PRPF31: variants seen among roughly 807,000 people sequenced by gnomAD.
PRPF31 encodes the protein pre-mRNA processing factor 31.
PRPF31 carries 12 observed loss-of-function variants against 60.4 expected under a neutral mutation model. The observed-to-expected ratio is 0.20, with a 90% CI of 0.13 to 0.32. PRPF31 has a LOEUF of 0.32. Among genes scored for constraint, PRPF31 ranks in the 10% least tolerant of loss-of-function variants. The pLI is 1.00. For synonymous variants in PRPF31, 287 were observed against 287.9 expected, an observed-to-expected ratio of 1.00 and a Z score of 0.03; for missense variants, 431 against 687.1, an observed-to-expected ratio of 0.63 and a Z score of 4.17.
At chr19:54,130,574 G>A (rs57999922) in intron 13 of PRPF31, among the ~76,000 whole-genome samples, 24,983 of 150,968 alleles carry the variant, frequency 0.17, 2,271 homozygotes, top group Admixed American at 0.27. Flanking sequence ...GCAGTGAGCC[G>A]AGATCGCGCC....
intron 5 of PRPF31, 33 bp from the exon 6 acceptor site, chr19:54,123,421 C>T (rs587645965): frequency 1.7e-5 from 27 of 1,562,160 alleles, no homozygotes; most frequent in African/African-American, 9.5e-5. Context: ...CCTGAGTTCC[C>T]GAGCCTCCCC....
rs1201071053 is a variant in PRPF31 at position 54,128,063 on chromosome 19, C to T, written c.946-10C>T. On this transcript the variant is annotated splice_polypyrimidine_tract_variant and intron_variant, in intron 9 of 13. Coordinates refer to ENST00000321030, the MANE Select transcript of PRPF31 (RefSeq NM_015629.4). ...GAGCAGCTGCAGGACCTCCCCCTCG[C>T]CCTCCCCAGGTGGGCTACGAACTGA... 1.3e-6 allele frequency: 2 copies of T among 1,548,382 alleles called. No individual in the cohort carries two copies. Among genetic ancestry groups the T allele is most frequent in the Non-Finnish European group, 1.7e-6 (2 of 1,146,800 alleles).
At chr19:54,124,447 C>T (rs1203063017) in intron 7 of PRPF31, 52 bp from the exon 8 acceptor site, 14 of 1,481,198 alleles carry the variant, frequency 9.5e-6, no homozygotes, top group Non-Finnish European at 1.3e-5. Flanking sequence ...CTCACCCCCA[C>T]CTCTCTGCTT....
chr19:54,126,298 T>C (rs587767551), intron 8 of PRPF31, among the ~76,000 whole-genome samples: 1 of 152,298 alleles, frequency 6.6e-6, no homozygotes, highest in East Asian at 1.9e-4. Context: ...TGCCTTACTG[T>C]CATCCTTACC....
At chr19:54,129,857 G>A (rs968133632) in intron 13 of PRPF31, among the ~76,000 whole-genome samples, 4 of 151,804 alleles carry the variant, frequency 2.6e-5, no homozygotes, top group African/African-American at 9.7e-5. Flanking sequence ...AGAGCAGGGC[G>A]AGCCTGCACC....
At chr19:54,120,880 C>T (rs1424500407) in intron 3 of PRPF31, among the ~76,000 whole-genome samples, 1 of 152,166 alleles carries the variant, frequency 6.6e-6, no homozygotes, top group Non-Finnish European at 1.5e-5. Context: ...TCCCAAAGTG[C>T]TGGGATTACA....
At chr19:54,117,241 G>A (rs1287264617) in intron 1 of PRPF31, among the ~76,000 whole-genome samples, 3 of 152,178 alleles carry the variant, frequency 2.0e-5, no homozygotes, top group Non-Finnish European at 2.9e-5. Flanking sequence ...GGAAGTGGGG[G>A]GTGGTGAAAG....
intron 4 of PRPF31, 198 bp downstream of exon 4, chr19:54,122,141 T>C (rs905028285): frequency 1.5e-6 from 1 of 681,510 alleles, no homozygotes; most frequent in Non-Finnish European, 2.6e-6. Context: ...GGGGATGGTG[T>C]GGCCGCTTGG....
intron 9 of PRPF31, 120 bp from the exon 10 acceptor site, chr19:54,127,953 G>A: frequency 7.3e-7 from 1 of 1,361,294 alleles, no homozygotes; most frequent in Non-Finnish European, 1.0e-6. Flanking sequence ...GGGTGGCGGT[G>A]AGGCAGCATT....
intron 13 of PRPF31, among the ~76,000 whole-genome samples, chr19:54,130,579 C>G (rs1251228478): frequency 2.2e-4 from 33 of 150,688 alleles, no homozygotes; most frequent in African/African-American, 8.0e-4. Flanking sequence ...GAGCCGAGAT[C>G]GCGCCACTGC....
At chr19:54,116,532 T>A (rs2146384488) in intron 1 of PRPF31, among the ~76,000 whole-genome samples, 1 of 152,346 alleles carries the variant, frequency 6.6e-6, no homozygotes, top group African/African-American at 2.4e-5. Flanking sequence ...CCCAAAAGTC[T>A]TAATATGCGC....
chr19:54,128,790 C>T (rs1243750381), intron 11 of PRPF31, among the ~76,000 whole-genome samples: 3 of 152,178 alleles, frequency 2.0e-5, no homozygotes, highest in African/African-American at 4.8e-5. Context: ...TTCCTGACAT[C>T]CCCCGACCCA....
chr19:54,123,076 A>G (rs1332811243), intron 5 of PRPF31: 4 of 465,716 alleles, frequency 8.6e-6, no homozygotes, highest in Non-Finnish European at 1.6e-5. Context: ...GGGCGGGGAG[A>G]GGAGGAGGTC....
intron 3 of PRPF31, among the ~76,000 whole-genome samples, chr19:54,120,995 G>A (rs1347443871): frequency 6.6e-6 from 1 of 152,130 alleles, no homozygotes; most frequent in Non-Finnish European, 1.5e-5. Flanking sequence ...AGCAGCACAT[G>A]CAGAGGCCAG....
In PRPF31 at chr19:54,122,304, C is replaced by T. The variant is rs2073811501; in HGVS notation, c.323-193C>T. On this transcript the variant is annotated intron_variant, in intron 4 of 13. Coordinates refer to ENST00000321030, the MANE Select transcript of PRPF31 (RefSeq NM_015629.4). ...ACATGTCACTGCAGCTCACGTTTTA[C>T]AGACCAGAACTAATTCCCCTGGTCA... 1.4e-5 allele frequency: 10 copies of T among 714,700 alleles called. No homozygotes were observed. The South Asian group carries it at 1.5e-4, about 11-fold the overall frequency. The allele number at this position is 714,700 out of a possible 1,614,324, so 44.3% of individuals were successfully genotyped here.
chr19:54,117,332 G>A (rs1017943031), intron 1 of PRPF31, among the ~76,000 whole-genome samples: 2 of 152,158 alleles, frequency 1.3e-5, no homozygotes, highest in African/African-American at 4.8e-5. Flanking sequence ...CAAGCTTTAG[G>A]CTGGGGAGAG....
rs752968381 is a variant in PRPF31 at position 54,121,922 on chromosome 19, G to A, written c.301G>A (p.Val101Met). 2.0e-5 allele frequency: 32 copies of A among 1,612,702 alleles called. No homozygotes were observed. The highest frequency in any genetic ancestry group is 1.6e-4 in the Middle Eastern group (1 of 6,062). Residue 101 changes from valine (V) to methionine (M), a missense_variant, in exon 4 of 14, where the codon GTG becomes ATG. Transcript: ENST00000321030. ...RVIVDANNLT[V>M]EIENELNIIH... is the part of the protein sequence containing the mutation. ...CATCGTGGATGCCAACAACCTGACC[G>A]TGGAGATCGAAAACGAGCTGAGTGA...
chr19:54,129,887 G>A (rs142466431), intron 13 of PRPF31, among the ~76,000 whole-genome samples: 2 of 152,088 alleles, frequency 1.3e-5, no homozygotes, highest in Admixed American at 6.6e-5. Flanking sequence ...AGACAGCAGC[G>A]AGCTCATCTG....
At chr19:54,128,956 G>A (rs1037088983) in intron 11 of PRPF31, 101 bp from the exon 12 acceptor site, 19 of 1,281,754 alleles carry the variant, frequency 1.5e-5, no homozygotes, top group East Asian at 2.5e-5. Flanking sequence ...GGGACCGGCC[G>A]GCTGGTGACC....
Sources: allele counts gnomAD v4.1 joint callset (sites outside exome capture counted in the v4.1 genomes callset), GRCh38; gene constraint gnomAD v4.1.1; transcripts MANE v1.5; gene names NCBI Gene and HGNC (gene_info 2026-07-23, HGNC 2026-07-21).